Variants in RPSA2 observed in about 807,000 individuals in gnomAD.
RPSA2 encodes small ribosomal subunit protein uS2B.
chr19:23,868,778 C>T, the RPSA2 span, among the ~76,000 whole-genome samples: 421 of 152,184 alleles, frequency 2.8e-3, no homozygotes, highest in African/African-American at 9.7e-3. Flanking sequence ...CATGTGGGTG[C>T]CCTCAAGGTG....
At chr19:23,785,238 A>G in the RPSA2 span, among the ~76,000 whole-genome samples, 10 of 152,136 alleles carry the variant, frequency 6.6e-5, no homozygotes, top group African/African-American at 2.4e-4. Flanking sequence ...GCTGTGCACA[A>G]GTTGCATTGT....
the RPSA2 span, among the ~76,000 whole-genome samples, chr19:23,797,596 A>G: frequency 6.6e-6 from 1 of 152,102 alleles, no homozygotes; most frequent in Non-Finnish European, 1.5e-5. Context: ...GTCTATTAGG[A>G]CTATTTGGTC....
chr19:23,761,291 A>G, the RPSA2 span, among the ~76,000 whole-genome samples: 1 of 151,986 alleles, frequency 6.6e-6, no homozygotes, highest in African/African-American at 2.4e-5. Flanking sequence ...CATTGCCCAG[A>G]CTGGTCTTGA....
At chr19:23,858,324 A>T in the RPSA2 span, among the ~76,000 whole-genome samples, 2 of 152,088 alleles carry the variant, frequency 1.3e-5, no homozygotes, top group Admixed American at 1.3e-4. Context: ...AGAGTGATGG[A>T]TACCCTAAAA....
chr19:23,806,858 G>A, the RPSA2 span, among the ~76,000 whole-genome samples: 1 of 149,734 alleles, frequency 6.7e-6, no homozygotes, highest in Non-Finnish European at 1.5e-5. Context: ...ACTACTTAAA[G>A]TCACTATTAA....
the RPSA2 span, among the ~76,000 whole-genome samples, chr19:23,820,105 T>G: frequency 6.6e-6 from 1 of 152,200 alleles, no homozygotes; most frequent in African/African-American, 2.4e-5. Context: ...TCCCCCTGCT[T>G]GGGGCAACCC....
the RPSA2 span, among the ~76,000 whole-genome samples, chr19:23,760,662 TA>T: frequency 4.9e-5 from 4 of 80,958 alleles, no homozygotes; most frequent in African/African-American, 8.4e-5. Flanking sequence ...TATATATATA[TA>T]TATATATTTT....
the RPSA2 span, among the ~76,000 whole-genome samples, chr19:23,849,558 G>A: frequency 1.3e-5 from 2 of 152,278 alleles, no homozygotes; most frequent in East Asian, 3.9e-4. Context: ...GGTGTTCTGG[G>A]CACAGAATGG....
At chr19:23,863,440 T>C in the RPSA2 span, among the ~76,000 whole-genome samples, 1 of 151,786 alleles carries the variant, frequency 6.6e-6, no homozygotes, top group Non-Finnish European at 1.5e-5. Context: ...GATAGGCACC[T>C]ATAATCCCAG....
the RPSA2 span, among the ~76,000 whole-genome samples, chr19:23,828,797 C>G: frequency 6.6e-6 from 1 of 151,380 alleles, no homozygotes; most frequent in South Asian, 2.1e-4. Context: ...GTAGTCTGTT[C>G]TTTTATTAAC....
At chr19:23,869,820 T>C in the RPSA2 span, among the ~76,000 whole-genome samples, 1 of 152,326 alleles carries the variant, frequency 6.6e-6, no homozygotes. Context: ...CTAATACCAG[T>C]ACTGCTACTC....
the RPSA2 span, among the ~76,000 whole-genome samples, chr19:23,819,606 G>A: frequency 1.3e-5 from 2 of 152,186 alleles, no homozygotes; most frequent in African/African-American, 4.8e-5. Context: ...ACCCAGCCAT[G>A]AATTTTTTGC....
At chr19:23,857,415 T>C in the RPSA2 span, among the ~76,000 whole-genome samples, 3 of 152,074 alleles carry the variant, frequency 2.0e-5, no homozygotes, top group African/African-American at 7.2e-5. Context: ...GTCCCTCCAT[T>C]TGGGGTCCCT....
chr19:23,795,411 T>C, the RPSA2 span, among the ~76,000 whole-genome samples: 1 of 152,204 alleles, frequency 6.6e-6, no homozygotes, highest in East Asian at 1.9e-4. Context: ...GCTGTATTCC[T>C]AGATATTTTG....
chr19:23,850,187 C>G, the RPSA2 span, among the ~76,000 whole-genome samples: 4 of 150,858 alleles, frequency 2.7e-5, no homozygotes, highest in Non-Finnish European at 5.9e-5. Flanking sequence ...CAGGAGCATC[C>G]ATCCAGATGA....
the RPSA2 span, among the ~76,000 whole-genome samples, chr19:23,789,051 A>G: frequency 9.8e-6 from 1 of 101,840 alleles, no homozygotes; most frequent in African/African-American, 3.7e-5. Flanking sequence ...GCCAGGTTGG[A>G]GTGCAGTGAT....
chr19:23,815,080 A>G, the RPSA2 span, among the ~76,000 whole-genome samples: 1 of 152,142 alleles, frequency 6.6e-6, no homozygotes, highest in African/African-American at 2.4e-5. Flanking sequence ...TTTTAACTCC[A>G]AGTGATCCTC....
At chr19:23,826,883 G>C in the RPSA2 span, among the ~76,000 whole-genome samples, 1 of 6,054 alleles carries the variant, frequency 1.7e-4, no homozygotes, top group Non-Finnish European at 0.012. Context: ...GTAAGGACAG[G>C]GTTCACCATT....
At chr19:23,783,548 A>G in the RPSA2 span, among the ~76,000 whole-genome samples, 1 of 151,640 alleles carries the variant, frequency 6.6e-6, no homozygotes, top group Non-Finnish European at 1.5e-5. Flanking sequence ...CCAAAAAAAA[A>G]AAAAAAAAGA....
Sources: gnomAD v4.1 joint callset for allele counts (sites outside exome capture counted in the v4.1 genomes callset) on GRCh38, gnomAD v4.1.1 for gene constraint, MANE v1.5 for transcripts, NCBI Gene and HGNC (gene_info 2026-07-23, HGNC 2026-07-21) for gene names.